METTL22: variants seen among roughly 807,000 people sequenced by gnomAD.
The protein encoded by METTL22 is methyltransferase 22, Kin17 lysine.
Under a neutral mutation model 48.4 loss-of-function variants are expected in METTL22, and 51 were observed. That is an observed-to-expected ratio of 1.05 (90% CI 0.84 to 1.33). The LOEUF (loss-of-function observed/expected upper bound fraction) is 1.33. METTL22 is among the 40% of genes most tolerant of loss of function. METTL22 has a pLI of 0.00. For missense variants in METTL22, 678 were observed against 526.9 expected (o/e 1.29, Z -2.81); for synonymous variants, 255 against 214.1 (o/e 1.19, Z -1.67).
chr16:8,641,138 A>G lies in METTL22; in HGVS notation c.780A>G (p.Ile260Met). 1 of 1,613,904 alleles carries G rather than the reference A, an allele frequency of 6.2e-7. No homozygotes were observed. The highest frequency in any genetic ancestry group is 1.1e-5 in the South Asian group (1 of 91,074). Residue 260 changes from isoleucine (I) to methionine (M), a missense_variant, in exon 7 of 11, where the codon ATA (isoleucine) becomes ATG (methionine). Physicochemically the swap from Ile to Met is conservative, Grantham distance 10. Transcript: ENST00000381920. ...NSHLAATGGG[I>M]VRVKELDWLK... is the part of the protein sequence containing the mutation. ...TTTTGTTTGTTTTTACAGGTGGTAT[A>G]GTTAGGGTCAAAGAACTGGACTGGC...
At chr16:8,639,935 G>A (rs958781872) in intron 6 of METTL22, among the ~76,000 whole-genome samples, 1 of 151,544 alleles carries the variant, frequency 6.6e-6, no homozygotes, top group Admixed American at 6.6e-5. Context: ...ACATTCCCTC[G>A]AGTCCTTTGC....
rs2141800489 is a variant in METTL22 at position 8,642,446 on chromosome 16, C to G, written c.908-17C>G. The stretch of plus-strand genomic sequence containing the variant: ...TTGCGTGTTTTCCTCTAATGCTGGC[C>G]TTTTTGCTTCCCACAGTGTTTTACG... On this transcript the variant is annotated splice_polypyrimidine_tract_variant and intron_variant, in intron 8 of 10. Transcript: ENST00000381920. 1 of 1,612,604 alleles carries G rather than the reference C, an allele frequency of 6.2e-7. No individual in the cohort carries two copies. Among genetic ancestry groups the G allele is most frequent in the Non-Finnish European group, 8.5e-7 (1 of 1,178,636 alleles).
chr16:8,642,074 G>C (rs1267201200), intron 7 of METTL22, 53 bp from the exon 8 acceptor site: 1 of 1,391,062 alleles, frequency 7.2e-7, no homozygotes, highest in African/African-American at 1.4e-5. Context: ...AGTGAGAGTT[G>C]GTGGCCAGGA....
rs977737297 is a variant in METTL22, at chr16:8,649,420, T to A, written c.*3277T>A. The A allele has an allele frequency of 6.6e-6, 1 of 152,184 alleles. No homozygotes were observed. The highest frequency in any genetic ancestry group is 1.5e-5 in the Non-Finnish European group (1 of 68,038). 9.4% of individuals were successfully genotyped at this position (152,184 alleles called of 1,614,324 possible). ...CCCAGGCCAGTGGACTCAATTTTTT[T>A]ATAACATTTTCAGAAAAATATGTGA... On this transcript the variant is annotated 3_prime_UTR_variant, in exon 11 of 11. Coordinates refer to ENST00000381920, the MANE Select transcript of METTL22 (RefSeq NM_024109.4).
In METTL22 at chr16:8,639,172, A is replaced by G. The variant is rs1451108459; in HGVS notation, c.772+10A>G. 5 of 1,613,628 alleles carry G rather than the reference A, an allele frequency of 3.1e-6. No homozygotes were observed. The highest frequency in any genetic ancestry group is 2.7e-5 in the African/African-American group (2 of 74,912). ...CTGGCTGCCACTGGAGGTGAGGCCCAGGGGGTCTTCTGCCAGGGAGGGAGG... is the reference window on the plus strand; with the variant it reads ...CTGGCTGCCACTGGAGGTGAGGCCCGGGGGGTCTTCTGCCAGGGAGGGAGG... On this transcript the variant is annotated intron_variant, in intron 6 of 10. Coordinates refer to ENST00000381920, the MANE Select transcript of METTL22 (RefSeq NM_024109.4).
At chr16:8,622,571 C>A (rs542434699) in intron 1 of METTL22, among the ~76,000 whole-genome samples, 9 of 152,350 alleles carry the variant, frequency 5.9e-5, no homozygotes, top group African/African-American at 1.9e-4. Context: ...CGGAAAGAGA[C>A]TTTTCCTGAC....
rs768035651 is a variant in METTL22 at position 8,635,005 on chromosome 16, A to G, written c.515-34A>G. 3.1e-6 allele frequency: 5 copies of G among 1,612,622 alleles called. No individual in the cohort carries two copies. The Admixed American group carries it at 8.3e-5, about 27-fold the overall frequency. On this transcript the variant is annotated intron_variant, in intron 3 of 10. Transcript: ENST00000381920. ...GGTTTTCTGTCCATCCCCATTTCAC[A>G]GTGGGCATTTCTCTTGGTTTCTGTC...
chr16:8,663,449 T>C, the METTL22 span, among the ~76,000 whole-genome samples: 2 of 151,842 alleles, frequency 1.3e-5, no homozygotes, highest in African/African-American at 2.4e-5. Context: ...AGCTCTCGAG[T>C]GCACCGTCCC....
At chr16:8,645,630 G>A (rs1180359224) in intron 10 of METTL22, among the ~76,000 whole-genome samples, 3 of 138,828 alleles carry the variant, frequency 2.2e-5, no homozygotes, top group Admixed American at 1.5e-4. Flanking sequence ...AAAAAAATTA[G>A]CCATGCATGG....
chr16:8,633,108 C>T (rs774368830), intron 3 of METTL22, among the ~76,000 whole-genome samples: 2 of 152,128 alleles, frequency 1.3e-5, no homozygotes, highest in African/African-American at 4.8e-5. Context: ...GGAAGAGGAA[C>T]TGGGCAGGGA....
the METTL22 span, among the ~76,000 whole-genome samples, chr16:8,662,588 G>T: frequency 1.4e-5 from 2 of 144,394 alleles, 1 homozygote; most frequent in African/African-American, 5.2e-5. Flanking sequence ...TGGGATGCAT[G>T]GACTGGTGGT....
intron 6 of METTL22, among the ~76,000 whole-genome samples, chr16:8,640,893 A>AGATGGATGG: frequency 7.7e-5 from 1 of 12,932 alleles, no homozygotes; most frequent in Admixed American, 1.1e-3. Context: ...TGGGTGGGTG[A>AGATGGATGG]ATGGATGGAT....
chr16:8,624,482 C>T (rs574800880), intron 1 of METTL22, among the ~76,000 whole-genome samples: 87 of 151,864 alleles, frequency 5.7e-4, no homozygotes, highest in African/African-American at 2.0e-3. Context: ...TGGTGTCAAG[C>T]GATCCTCCCA....
chr16:8,628,911 C>T lies in METTL22; in HGVS notation c.315C>T (p.Asp105=), dbSNP rs781436977. Residue 105 remains aspartate, a synonymous_variant, in exon 3 of 11, where the codon GAC becomes GAT. Coordinates refer to ENST00000381920, the MANE Select transcript of METTL22 (RefSeq NM_024109.4). ...NEGFSLQAGT[D]TTGQEVAEAQ... ...GTTTCTCCCTCCAGGCCGGGACTGACACCACTGGCCAGGAAGTGGCTGAAG... is the reference window on the plus strand; with the variant it reads ...GTTTCTCCCTCCAGGCCGGGACTGATACCACTGGCCAGGAAGTGGCTGAAG... 36 of 1,613,904 alleles carry T rather than the reference C, an allele frequency of 2.2e-5. 1 individual carries two copies. In the South Asian group the frequency reaches 3.0e-4, roughly 13 times the overall value.
At position 8,635,193 on chromosome 16, in the gene METTL22, C is replaced by T; in HGVS notation, c.581C>T (p.Ala194Val). 6.2e-7 allele frequency: 1 copy of T among 1,610,506 alleles called. No individual in the cohort carries two copies. Among genetic ancestry groups the T allele is most frequent in the Non-Finnish European group, 8.5e-7 (1 of 1,178,158 alleles). ...GTGTGGCGGGGCGCCCTGCTCCTGGCAGACTACATCCTGTTCCGACAGGAC... is the reference window on the plus strand; with the variant it reads ...GTGTGGCGGGGCGCCCTGCTCCTGGTAGACTACATCCTGTTCCGACAGGAC... ...KQVWRGALLL[A>V]DYILFRQDLF... The change falls in exon 5 of 11, where the codon GCA becomes GTA. Residue 194 changes from alanine (A) to valine (V), a missense_variant. Transcript: ENST00000381920.
chr16:8,625,651 G>C lies in METTL22; in HGVS notation c.-15G>C, dbSNP rs1462531291. On this transcript the variant is annotated 5_prime_UTR_variant, in exon 2 of 11. Transcript: ENST00000381920. ...TGAGGGACTCCTGTCCTAGGACTAA[G>C]GTGGAGCCTGGGCCATGGTACAGCT... is the stretch of plus-strand genomic sequence containing the variant. 1.2e-6 allele frequency: 2 copies of C among 1,613,986 alleles called. No homozygotes were observed. The highest frequency in any genetic ancestry group is 8.5e-7 in the Non-Finnish European group (1 of 1,179,992).
downstream of METTL22, among the ~76,000 whole-genome samples, chr16:8,650,720 A>T (rs930289933): frequency 3.9e-5 from 6 of 152,166 alleles, no homozygotes; most frequent in African/African-American, 7.2e-5. Context: ...AATATGCAAA[A>T]TTTCATTTAT....
chr16:8,651,779 GC>G (rs1438806720), downstream of METTL22, among the ~76,000 whole-genome samples: 1 of 152,178 alleles, frequency 6.6e-6, no homozygotes, highest in Non-Finnish European at 1.5e-5. Flanking sequence ...GAAAAGTCAT[GC>G]TTTTGTTCTT....
chr16:8,638,688 C>T (rs2056498156), intron 5 of METTL22, among the ~76,000 whole-genome samples: 1 of 152,180 alleles, frequency 6.6e-6, no homozygotes, highest in Non-Finnish European at 1.5e-5. Context: ...TGGATCAAAT[C>T]CCAACTCTTG....
Sources: allele counts gnomAD v4.1 joint callset (sites outside exome capture counted in the v4.1 genomes callset), GRCh38; gene constraint gnomAD v4.1.1; transcripts MANE v1.5; gene names NCBI Gene and HGNC (gene_info 2026-07-23, HGNC 2026-07-21).